Variants in SNX24 observed in about 807,000 individuals in gnomAD.
The protein encoded by SNX24 is sorting nexin 24, also known as sorting nexin-24.
Under a neutral mutation model 28.7 loss-of-function variants are expected in SNX24, and 22 were observed. The ratio of observed to expected loss-of-function variants is 0.77; its 90% confidence interval spans 0.55 to 1.10. SNX24 has a LOEUF of 1.10. Ranked by LOEUF, SNX24 falls within the 50% of genes least tolerant of loss-of-function variation. The probability of loss-of-function intolerance (pLI) is 0.00; values close to 1 mark genes in which losing one functional copy is unlikely to be tolerated. For missense variants in SNX24, 221 were observed against 201.1 expected (o/e 1.10, Z -0.60); for synonymous variants, 69 against 71.5 (o/e 0.96, Z 0.18).
At chr5:122,891,346 T>C (rs1260711434) in intron 1 of SNX24, among the ~76,000 whole-genome samples, 1 of 152,180 alleles carries the variant, frequency 6.6e-6, no homozygotes, top group Non-Finnish European at 1.5e-5. Context: ...TACCAAATGA[T>C]ATGTACAGTA....
intron 3 of SNX24, among the ~76,000 whole-genome samples, chr5:122,949,745 T>G (rs1759849548): frequency 6.6e-6 from 1 of 152,204 alleles, no homozygotes; most frequent in Non-Finnish European, 1.5e-5. Context: ...TTAAGTACAT[T>G]TCTGAACCAT....
intron 1 of SNX24, among the ~76,000 whole-genome samples, chr5:122,889,201 A>G (rs1756845795): frequency 6.6e-6 from 1 of 152,172 alleles, no homozygotes; most frequent in African/African-American, 2.4e-5. Context: ...TAAGTGTACC[A>G]GAAAGTTGCA....
At chr5:122,854,653 C>T (rs2150034795) in intron 1 of SNX24, among the ~76,000 whole-genome samples, 1 of 151,428 alleles carries the variant, frequency 6.6e-6, no homozygotes, top group South Asian at 2.1e-4. Flanking sequence ...CAGTGGTATA[C>T]TAAAACATTT....
At chr5:122,848,788 A>C (rs1370625943) in intron 1 of SNX24, among the ~76,000 whole-genome samples, 3 of 152,162 alleles carry the variant, frequency 2.0e-5, no homozygotes, top group Non-Finnish European at 4.4e-5. Context: ...TTAAGGTAGA[A>C]ATGGGTGGTT....
At chr5:122,920,652 TGTTA>T (rs1274030950) in intron 1 of SNX24, among the ~76,000 whole-genome samples, 1 of 152,176 alleles carries the variant, frequency 6.6e-6, no homozygotes, top group Admixed American at 6.5e-5. Context: ...AATCCCCAGA[TGTTA>T]TAGATGATGC....
intron 3 of SNX24, among the ~76,000 whole-genome samples, chr5:122,988,406 A>G (rs147584749): frequency 6.6e-6 from 1 of 152,346 alleles, no homozygotes; most frequent in Non-Finnish European, 1.5e-5. Context: ...AAGAACTTCA[A>G]GATAGGAAAC....
At chr5:122,877,313 A>G (rs1035265963) in intron 1 of SNX24, among the ~76,000 whole-genome samples, 1 of 152,182 alleles carries the variant, frequency 6.6e-6, no homozygotes, top group African/African-American at 2.4e-5. Flanking sequence ...ACAAGGCTGT[A>G]CAGAAGTTTC....
intron 1 of SNX24, among the ~76,000 whole-genome samples, chr5:122,861,788 C>T (rs1015191047): frequency 1.3e-5 from 2 of 151,774 alleles, no homozygotes; most frequent in Admixed American, 1.3e-4. Flanking sequence ...TTATAATTCT[C>T]ATTCTAAGGA....
chr5:122,868,116 A>T (rs1755800290), intron 1 of SNX24, among the ~76,000 whole-genome samples: 2 of 152,232 alleles, frequency 1.3e-5, no homozygotes, highest in Admixed American at 6.5e-5. Flanking sequence ...CAGAATGATC[A>T]TAGGGAACTC....
At chr5:122,890,114 T>C (rs1056186376) in intron 1 of SNX24, among the ~76,000 whole-genome samples, 3 of 152,132 alleles carry the variant, frequency 2.0e-5, no homozygotes, top group Non-Finnish European at 4.4e-5. Context: ...TGGTTCCTTA[T>C]AGTAGGTAGA....
chr5:123,004,761 A>G (rs1476906700), intron 6 of SNX24, among the ~76,000 whole-genome samples: 1 of 152,016 alleles, frequency 6.6e-6, no homozygotes, highest in African/African-American at 2.4e-5. Flanking sequence ...CTCCACCGTG[A>G]GCCTTGTTTT....
At chr5:123,010,021 C>G (rs1561734099), downstream of SNX24, among the ~76,000 whole-genome samples, 2 of 152,186 alleles carry the variant, frequency 1.3e-5, no homozygotes. Flanking sequence ...GGCGATCTCT[C>G]TATGAGGTGC....
At chr5:122,888,215 A>T (rs953698303) in intron 1 of SNX24, among the ~76,000 whole-genome samples, 6 of 152,126 alleles carry the variant, frequency 3.9e-5, no homozygotes, top group Admixed American at 2.0e-4. Context: ...TTATAATTTT[A>T]ATCTGCAGGC....
At chr5:122,993,328 T>C (rs1761932779) in intron 3 of SNX24, among the ~76,000 whole-genome samples, 1 of 150,164 alleles carries the variant, frequency 6.7e-6, no homozygotes, top group Admixed American at 6.6e-5. Flanking sequence ...AGACAGAGTC[T>C]TGCTCTGTTG....
intron 3 of SNX24, among the ~76,000 whole-genome samples, chr5:122,961,025 CT>C (rs989368659): frequency 7.9e-5 from 12 of 152,106 alleles, no homozygotes; most frequent in Admixed American, 6.5e-5. Context: ...GTTTATCTTT[CT>C]TTTTTTCCAC....
Position 122,996,426 on chromosome 5 carries a change from A to G in SNX24, c.250-3486A>G, listed in dbSNP as rs576788925. On this transcript the variant is annotated intron_variant, in intron 3 of 6. Transcript: ENST00000261369. ...ACCCCCTGCCACTGAAAGCACAATT[A>G]TAGATGTATGTATGTTTTCCAGCAA... Among the ~76,000 whole-genome samples the G allele has an allele frequency of 2.0e-5, 3 of 152,324 alleles. No individual in the cohort carries two copies. The East Asian group carries it at 5.8e-4, about 29-fold the overall frequency.
intron 3 of SNX24, among the ~76,000 whole-genome samples, chr5:122,995,675 A>G (rs1460062489): frequency 6.6e-6 from 1 of 152,120 alleles, no homozygotes; most frequent in Admixed American, 6.5e-5. Flanking sequence ...TACCTGTAAA[A>G]TTTATTGGGA....
chr5:122,911,893 T>A (rs2150090305), intron 1 of SNX24, among the ~76,000 whole-genome samples: 1 of 149,214 alleles, frequency 6.7e-6, no homozygotes, highest in East Asian at 2.0e-4. Context: ...TAGTTTGAAG[T>A]CAGGTAGCGT....
intron 1 of SNX24, among the ~76,000 whole-genome samples, chr5:122,925,211 C>T (rs539049242): frequency 1.8e-3 from 176 of 96,056 alleles, no homozygotes; most frequent in South Asian, 0.01. Flanking sequence ...TTCCTATTTC[C>T]TTCCCCTCCC....
Sources: allele counts gnomAD v4.1 joint callset (sites outside exome capture counted in the v4.1 genomes callset), GRCh38; gene constraint gnomAD v4.1.1; transcripts MANE v1.5; gene names NCBI Gene and HGNC (gene_info 2026-07-23, HGNC 2026-07-21).